Variants in CDYL observed in about 807,000 individuals in gnomAD.
CDYL encodes the protein chromodomain Y-like protein.
In CDYL, 8 loss-of-function variants were observed where a neutral mutation model predicts 47.3. The ratio of observed to expected loss-of-function variants is 0.17; its 90% CI spans 0.10 to 0.31. The LOEUF is 0.31. Among genes scored for constraint, CDYL ranks in the 10% least tolerant of loss-of-function variants. CDYL has a pLI of 1.00. For synonymous variants in CDYL, 266 were observed against 265.0 expected, an observed-to-expected ratio of 1.00 and a Z score of -0.04; for missense variants, 471 against 701.4, an observed-to-expected ratio of 0.67 and a Z score of 3.71.
chr6:4,836,258 A>C, intron 1 of CDYL: 1 of 984,676 alleles, frequency 1.0e-6, no homozygotes. Context: ...GTCAGCCACA[A>C]ATGCTACCCA....
intron 1 of CDYL, among the ~76,000 whole-genome samples, chr6:4,798,665 A>T (rs1759142684): frequency 6.6e-6 from 1 of 152,216 alleles, no homozygotes; most frequent in African/African-American, 2.4e-5. Context: ...TTCACATCAC[A>T]GTTAATGCTG....
At position 4,814,757 on chromosome 6, in the gene CDYL, A is replaced by G. The variant is rs542634781; in HGVS notation, c.24+37950A>G. The stretch of plus-strand genomic sequence containing the variant: ...AGGCTGCTCTCGAACTCCTTGCCTC[A>G]AATGATCTGCCCGCCTCAGCCTCCC... On this transcript the variant is annotated intron_variant, in intron 1 of 6. Transcript: ENST00000397588. Among the ~76,000 whole-genome samples, 4 of 152,306 alleles carry G rather than the reference A, an allele frequency of 2.6e-5. No homozygotes were observed. The South Asian group carries it at 8.3e-4, about 32-fold the overall frequency.
At chr6:4,829,361 G>A (rs1039252731) in intron 1 of CDYL, among the ~76,000 whole-genome samples, 1 of 152,160 alleles carries the variant, frequency 6.6e-6, no homozygotes, top group Non-Finnish European at 1.5e-5. Context: ...GTGTTCCACT[G>A]TGTTTTGGCA....
chr6:4,844,895 A>G (rs1760608937), intron 1 of CDYL, among the ~76,000 whole-genome samples: 2 of 152,210 alleles, frequency 1.3e-5, no homozygotes, highest in Non-Finnish European at 2.9e-5. Context: ...TATATTCAAC[A>G]AATAATTTTG....
intron 2 of CDYL, among the ~76,000 whole-genome samples, chr6:4,931,255 G>A (rs1040439945): frequency 3.9e-5 from 6 of 152,170 alleles, no homozygotes; most frequent in African/African-American, 1.4e-4. Flanking sequence ...GGAGTACATC[G>A]ATGATACTGT....
chr6:4,863,253 G>A (rs558882134), intron 1 of CDYL, among the ~76,000 whole-genome samples: 4 of 152,258 alleles, frequency 2.6e-5, no homozygotes, highest in South Asian at 2.1e-4. Flanking sequence ...GTTGGGTACC[G>A]TGTTCACTGT....
intron 1 of CDYL, among the ~76,000 whole-genome samples, chr6:4,818,425 G>A (rs925765160): frequency 1.1e-4 from 17 of 152,216 alleles, no homozygotes; most frequent in African/African-American, 3.9e-4. Flanking sequence ...GTGTTAATGC[G>A]GTGTGAGGTA....
At chr6:4,734,505 C>T (rs1757665909) in intron 2 of CDYL, among the ~76,000 whole-genome samples, 1 of 152,226 alleles carries the variant, frequency 6.6e-6, no homozygotes, top group African/African-American at 2.4e-5. Context: ...CTCCACATTC[C>T]AGATGGGGAG....
At chr6:4,912,642 C>T (rs942372327) in intron 2 of CDYL, among the ~76,000 whole-genome samples, 4 of 152,186 alleles carry the variant, frequency 2.6e-5, no homozygotes, top group African/African-American at 7.2e-5. Context: ...TCTGAAACTA[C>T]GTAATTTACA....
chr6:4,895,267 A>ATATG (rs146683186), intron 2 of CDYL, among the ~76,000 whole-genome samples: 633 of 10,720 alleles, frequency 0.059, 130 homozygotes, highest in African/African-American at 0.26. Flanking sequence ...GCATGTATAC[A>ATATG]TGTATGTATA....
intron 1 of CDYL, among the ~76,000 whole-genome samples, chr6:4,800,339 G>T (rs955322615): frequency 1.3e-5 from 2 of 151,926 alleles, no homozygotes; most frequent in African/African-American, 2.4e-5. Flanking sequence ...AATCACTTTG[G>T]ATAAGACATA....
At chr6:4,746,564 C>T (rs1446330454) in intron 3 of CDYL, among the ~76,000 whole-genome samples, 2 of 152,200 alleles carry the variant, frequency 1.3e-5, no homozygotes, top group African/African-American at 2.4e-5. Flanking sequence ...GAGCTTGATG[C>T]GTGCTTAAGC....
intron 2 of CDYL, among the ~76,000 whole-genome samples, chr6:4,919,849 C>G (rs1337929939): frequency 6.6e-6 from 1 of 152,088 alleles, no homozygotes; most frequent in Non-Finnish European, 1.5e-5. Flanking sequence ...TGCAGCGGTT[C>G]TATTTCTAGG....
chr6:4,738,022 C>T (rs1305037147), intron 3 of CDYL, among the ~76,000 whole-genome samples: 1 of 152,124 alleles, frequency 6.6e-6, no homozygotes, highest in African/African-American at 2.4e-5. Flanking sequence ...TTTAAATAAA[C>T]TTTAAAGAAA....
intron 3 of CDYL, among the ~76,000 whole-genome samples, chr6:4,759,951 A>C (rs1758149132): frequency 6.7e-6 from 1 of 148,396 alleles, no homozygotes; most frequent in Admixed American, 6.8e-5. Context: ...GAAAAGAAAG[A>C]AAGAAAAAAG....
upstream of CDYL, among the ~76,000 whole-genome samples, chr6:4,772,149 C>T (rs1172699434): frequency 6.6e-6 from 1 of 152,154 alleles, no homozygotes; most frequent in African/African-American, 2.4e-5. Context: ...TGATGAGCTC[C>T]GGCCAGTGAT....
At chr6:4,916,535 C>T (rs1223502413) in intron 2 of CDYL, among the ~76,000 whole-genome samples, 4 of 152,098 alleles carry the variant, frequency 2.6e-5, no homozygotes, top group Non-Finnish European at 5.9e-5. Flanking sequence ...TAAATGAAGA[C>T]CCTGTTCTCA....
intron 2 of CDYL, among the ~76,000 whole-genome samples, chr6:4,911,451 A>G (rs1581258042): frequency 6.6e-6 from 1 of 152,300 alleles, no homozygotes; most frequent in African/African-American, 2.4e-5. Flanking sequence ...GTTTTGCCCT[A>G]GGTCATTAGG....
In CDYL at chr6:4,914,183, C is replaced by T. The variant is rs189761949; in HGVS notation, c.692-21332C>T. On this transcript the variant is annotated intron_variant, in intron 2 of 6. Transcript: ENST00000397588. ...TGAAGTGTTTCATGATTTTTTTCTTCTGCTCAAGGAGTGAAAGAGTTCTTT... is the reference window on the plus strand; with the variant it reads ...TGAAGTGTTTCATGATTTTTTTCTTTTGCTCAAGGAGTGAAAGAGTTCTTT... Among the ~76,000 whole-genome samples, 184 of 149,274 alleles carry T rather than the reference C, an allele frequency of 1.2e-3. 1 individual carries two copies. The highest frequency in any genetic ancestry group is 4.3e-3 in the African/African-American group (175 of 40,562).
Sources: allele counts gnomAD v4.1 joint callset (sites outside exome capture counted in the v4.1 genomes callset), GRCh38; gene constraint gnomAD v4.1.1; transcripts MANE v1.5; gene names NCBI Gene and HGNC (gene_info 2026-07-23, HGNC 2026-07-21).